TRAPPC12: variants seen among roughly 807,000 people sequenced by gnomAD.
The protein encoded by TRAPPC12 is TPR repeat protein 15.
In TRAPPC12, 61 loss-of-function variants were observed where a neutral mutation model predicts 69.2. The observed-to-expected ratio is 0.88, with a 90% CI of 0.72 to 1.09. The LOEUF is 1.09. TRAPPC12 is among the 50% of genes least tolerant of loss of function. The probability of loss-of-function intolerance (pLI) is 0.00; values close to 1 mark genes in which losing one functional copy is unlikely to be tolerated. For missense variants in TRAPPC12, 1,101 were observed against 1,016.4 expected (o/e 1.08, Z -1.13); for synonymous variants, 469 against 438.9 (o/e 1.07, Z -0.86).
chr2:3,459,912 G>A (rs1158377442), intron 7 of TRAPPC12: 2 of 363,426 alleles, frequency 5.5e-6, no homozygotes, highest in Non-Finnish European at 1.0e-5. Flanking sequence ...CGAGCTGCAG[G>A]CAATGTCGTC....
At chr2:3,427,581 A>G (rs1663180473) in intron 5 of TRAPPC12, among the ~76,000 whole-genome samples, 2 of 152,234 alleles carry the variant, frequency 1.3e-5, no homozygotes, top group African/African-American at 4.8e-5. Flanking sequence ...GTTTCCTATC[A>G]TGACCAGGTA....
intron 1 of TRAPPC12, among the ~76,000 whole-genome samples, chr2:3,386,325 C>T (rs1042265714): frequency 2.0e-5 from 3 of 152,180 alleles, no homozygotes; most frequent in African/African-American, 7.2e-5. Context: ...AGTAAAACTA[C>T]ATAAAGTAAA....
chr2:3,437,013 T>A (rs1456052912), intron 5 of TRAPPC12, among the ~76,000 whole-genome samples: 1 of 34,168 alleles, frequency 2.9e-5, no homozygotes, highest in East Asian at 1.1e-3. Flanking sequence ...CCTGGATTAA[T>A]ACCCCATCAC....
chr2:3,461,140 C>T (rs751330740), intron 8 of TRAPPC12, among the ~76,000 whole-genome samples: 2 of 152,228 alleles, frequency 1.3e-5, no homozygotes, highest in Non-Finnish European at 2.9e-5. Context: ...TTCAGCAAGG[C>T]AGAGCAGGCA....
At chr2:3,386,821 T>C (rs1258606549) in intron 1 of TRAPPC12, among the ~76,000 whole-genome samples, 3 of 152,134 alleles carry the variant, frequency 2.0e-5, no homozygotes, top group African/African-American at 7.2e-5. Flanking sequence ...AATGAAGTAG[T>C]GTTTATATGG....
chr2:3,446,353 A>T (rs1446290777), intron 6 of TRAPPC12, among the ~76,000 whole-genome samples: 1 of 152,206 alleles, frequency 6.6e-6, no homozygotes, highest in Non-Finnish European at 1.5e-5. Context: ...AAGGATTTTC[A>T]CCGTTAATTT....
At chr2:3,426,820 G>A (rs560734415) in intron 5 of TRAPPC12, among the ~76,000 whole-genome samples, 6 of 152,322 alleles carry the variant, frequency 3.9e-5, no homozygotes, top group African/African-American at 7.2e-5. Context: ...CGTCCAGTCC[G>A]CACGTAGGTG....
intron 5 of TRAPPC12, among the ~76,000 whole-genome samples, chr2:3,426,254 C>T (rs1229236824): frequency 6.6e-6 from 1 of 152,150 alleles, no homozygotes; most frequent in Non-Finnish European, 1.5e-5. Context: ...GGGCATAAAT[C>T]AAAGAGATTG....
intron 9 of TRAPPC12, among the ~76,000 whole-genome samples, chr2:3,474,925 CTG>C (rs1666233404): frequency 6.6e-6 from 1 of 152,142 alleles, no homozygotes; most frequent in Admixed American, 6.5e-5. Context: ...ATTTTGGTAA[CTG>C]AGAGTTTTCT....
At chr2:3,475,331 T>C (rs1666246875) in intron 9 of TRAPPC12, among the ~76,000 whole-genome samples, 1 of 151,994 alleles carries the variant, frequency 6.6e-6, no homozygotes, top group Non-Finnish European at 1.5e-5. Context: ...CGGTCTGGTC[T>C]TGAACTCCTG....
rs763947952 is a variant in TRAPPC12 at position 3,387,824 on chromosome 2, G to T, written c.201G>T (p.Met67Ile). Residue 67 changes from methionine to isoleucine, a missense_variant, in exon 2 of 12, where the codon ATG becomes ATT. Physicochemically the swap from Met to Ile is conservative, Grantham distance 10 (BLOSUM62 1). Transcript: ENST00000324266. ...PLADKLNEHM[M>I]ESVLISDSPN... Reference sequence around the variant, plus strand: ...CGGACAAGCTGAACGAACACATGATGGAGAGCGTCCTCATCTCTGACTCCC... The same window carrying T: ...CGGACAAGCTGAACGAACACATGATTGAGAGCGTCCTCATCTCTGACTCCC... 1.9e-6 allele frequency: 3 copies of T among 1,612,390 alleles called. No homozygotes were observed. In the East Asian group the frequency reaches 6.7e-5, roughly 36 times the overall value.
intron 5 of TRAPPC12, among the ~76,000 whole-genome samples, chr2:3,430,029 A>G (rs1286271370): frequency 6.6e-6 from 1 of 152,220 alleles, no homozygotes; most frequent in Non-Finnish European, 1.5e-5. Flanking sequence ...ACACATATAC[A>G]TACACACAGA....
intron 5 of TRAPPC12, among the ~76,000 whole-genome samples, chr2:3,433,302 T>C (rs1014141342): frequency 6.6e-6 from 1 of 152,142 alleles, no homozygotes; most frequent in Non-Finnish European, 1.5e-5. Flanking sequence ...AACTTGAAAA[T>C]GAGACGGAAA....
chr2:3,436,663 G>A (rs1001859289), intron 5 of TRAPPC12, among the ~76,000 whole-genome samples: 17 of 151,822 alleles, frequency 1.1e-4, no homozygotes, highest in African/African-American at 3.9e-4. Flanking sequence ...AATTAATGGC[G>A]TTGCGTGTTC....
At chr2:3,447,458 G>A (rs1664572935) in intron 6 of TRAPPC12, among the ~76,000 whole-genome samples, 1 of 152,148 alleles carries the variant, frequency 6.6e-6, no homozygotes. Context: ...TGGTGAGAAA[G>A]ACAGCGAGAG....
Position 3,388,678 on chromosome 2 carries a change from C to A in TRAPPC12, c.1047+8C>A. ...AGGTTCGACAACATCCAGGTGAGCC[C>A]GGGTCTCCCACCTCCGCAGCCCGTG... On this transcript the variant is annotated splice_region_variant and intron_variant, in intron 2 of 11. Coordinates refer to ENST00000324266, the MANE Select transcript of TRAPPC12 (RefSeq NM_016030.6). 1 of 1,532,412 alleles carries A rather than the reference C, an allele frequency of 6.5e-7. No homozygotes were observed. Among genetic ancestry groups the A allele is most frequent in the East Asian group, 2.4e-5 (1 of 41,144 alleles). 94.9% of individuals were successfully genotyped at this position (1,532,412 alleles called of 1,614,324 possible).
At chr2:3,447,254 C>T (rs1424921838) in intron 6 of TRAPPC12, among the ~76,000 whole-genome samples, 1 of 152,146 alleles carries the variant, frequency 6.6e-6, no homozygotes, top group East Asian at 1.9e-4. Context: ...CCCATCACCA[C>T]ACCTGGCTAA....
At chr2:3,474,662 T>C (rs1006016814) in intron 9 of TRAPPC12, among the ~76,000 whole-genome samples, 1 of 152,190 alleles carries the variant, frequency 6.6e-6, no homozygotes, top group Non-Finnish European at 1.5e-5. Context: ...AGTATCTGGT[T>C]TGCGTGTGCA....
At chr2:3,458,456 C>A in intron 7 of TRAPPC12, 2 of 986,222 alleles carry the variant, frequency 2.0e-6, no homozygotes, top group Middle Eastern at 5.2e-4. Context: ...GTCTCCGTTT[C>A]CGCAGGTGTG....
Sources: allele counts gnomAD v4.1 joint callset (sites outside exome capture counted in the v4.1 genomes callset), GRCh38; gene constraint gnomAD v4.1.1; transcripts MANE v1.5; gene names NCBI Gene and HGNC (gene_info 2026-07-23, HGNC 2026-07-21).